Variants in LRRC49 observed in about 807,000 individuals in gnomAD.
LRRC49 encodes leucine rich repeat containing 49, also known as leucine-rich repeat-containing protein 49.
In LRRC49, 50 loss-of-function variants were observed where a neutral mutation model predicts 83.3. The observed-to-expected ratio is 0.60, with a 90% CI of 0.48 to 0.76. The LOEUF is 0.76. Among genes scored for constraint, LRRC49 ranks in the 30% least tolerant of loss-of-function variants. The pLI, the probability that LRRC49 is intolerant of heterozygous loss-of-function variation, is 0.00. For missense variants in LRRC49, 704 were observed against 809.1 expected (o/e 0.87, Z 1.58); for synonymous variants, 286 against 283.3 (o/e 1.01, Z -0.10).
At position 70,903,442 on chromosome 15, in the gene LRRC49, A is replaced by G. The variant is rs117404558; in HGVS notation, c.297-1110A>G. The stretch of plus-strand genomic sequence containing the variant: ...CCAAAATTTCCTTTTCTTTTCCTCT[A>G]TCTTAAACAGGTTTCTTCAGAATCT... On this transcript the variant is annotated intron_variant, in intron 4 of 15. Coordinates refer to ENST00000260382, the MANE Select transcript of LRRC49 (RefSeq NM_017691.5). Among the ~76,000 whole-genome samples, 695 of 152,178 alleles carry G rather than the reference A, an allele frequency of 4.6e-3. 8 individuals carry two copies. The highest frequency in any genetic ancestry group is 0.024 in the Middle Eastern group (7 of 294).
chr15:70,907,851 T>C, intron 5 of LRRC49: 6 of 411,124 alleles, frequency 1.5e-5, no homozygotes, highest in South Asian at 1.0e-4. Context: ...TCAGGTCACA[T>C]TGGTGTTAAC....
intron 9 of LRRC49, among the ~76,000 whole-genome samples, chr15:70,974,705 G>A (rs4777327): frequency 0.8 from 120,479 of 150,350 alleles, 48,786 homozygotes; most frequent in Admixed American, 0.86. Context: ...TGGCTTTTAT[G>A]TTTTCAAAGC....
intron 13 of LRRC49, among the ~76,000 whole-genome samples, chr15:71,010,534 G>T (rs2141263647): frequency 6.6e-6 from 1 of 151,956 alleles, no homozygotes; most frequent in South Asian, 2.1e-4. Flanking sequence ...GAAAATAAGA[G>T]AAAAAGAAAA....
At position 71,050,832 on chromosome 15, in the gene LRRC49, T is replaced by TTTTTTC. The variant is rs1277708388; in HGVS notation, c.*1232_*1237dup. 6.6e-6 allele frequency: 1 copy of TTTTTTC among 152,542 alleles called. No individual in the cohort carries two copies. Among genetic ancestry groups the TTTTTTC allele is most frequent in the Admixed American group, 6.6e-5 (1 of 15,256 alleles). 9.4% of individuals were successfully genotyped at this position (152,542 alleles called of 1,614,324 possible). Reference sequence around the variant, plus strand: ...TCATAGCCTTAAAAGGCTGTCCTGGTTTTTTCTTTTTCTTTTTTTTTTTTT... The same window carrying TTTTTTC: ...TCATAGCCTTAAAAGGCTGTCCTGGTTTTTTCTTTTTCTTTTTCTTTTTTTTTTTTT... On this transcript the variant is annotated 3_prime_UTR_variant, in exon 16 of 16. Transcript: ENST00000260382.
chr15:70,976,308 T>G (rs181562856), intron 9 of LRRC49, among the ~76,000 whole-genome samples: 1 of 152,320 alleles, frequency 6.6e-6, no homozygotes, highest in Admixed American at 6.5e-5. Flanking sequence ...TAAAAGTGAT[T>G]GTTTGAGTAA....
chr15:70,864,375 A>C, intron 1 of LRRC49, among the ~76,000 whole-genome samples: 1 of 151,606 alleles, frequency 6.6e-6, no homozygotes, highest in Non-Finnish European at 1.5e-5. Flanking sequence ...AGGCATGGGC[A>C]CCAGGATGGA....
intron 14 of LRRC49, among the ~76,000 whole-genome samples, chr15:71,033,547 T>G (rs949973904): frequency 2.0e-5 from 3 of 152,154 alleles, no homozygotes; most frequent in Admixed American, 1.3e-4. Context: ...ACTTTAAAAT[T>G]TATATGGAAC....
intron 11 of LRRC49, among the ~76,000 whole-genome samples, chr15:70,988,150 G>A (rs1188733892): frequency 6.6e-6 from 1 of 151,410 alleles, no homozygotes; most frequent in Non-Finnish European, 1.5e-5. Context: ...TGTCTATTAG[G>A]TCTGCTTGGT....
chr15:70,919,635 G>A (rs1340867693), intron 7 of LRRC49, among the ~76,000 whole-genome samples: 6 of 152,156 alleles, frequency 3.9e-5, no homozygotes, highest in African/African-American at 1.4e-4. Context: ...TGGTATGGTG[G>A]GAAAAGCATT....
At chr15:70,902,981 G>A (rs2034147218) in intron 4 of LRRC49, among the ~76,000 whole-genome samples, 1 of 152,134 alleles carries the variant, frequency 6.6e-6, no homozygotes, top group Non-Finnish European at 1.5e-5. Flanking sequence ...CTTAACCACT[G>A]TGTTTAGAAT....
intron 7 of LRRC49, among the ~76,000 whole-genome samples, chr15:70,928,557 A>T (rs948810696): frequency 2.0e-5 from 3 of 151,062 alleles, no homozygotes; most frequent in East Asian, 1.9e-4. Flanking sequence ...TATTTATTTA[A>T]TTTTCTTTTA....
At chr15:70,885,528 A>C (rs1055495374) in intron 2 of LRRC49, among the ~76,000 whole-genome samples, 2 of 152,220 alleles carry the variant, frequency 1.3e-5, no homozygotes, top group African/African-American at 4.8e-5. Context: ...ATAGGACAGA[A>C]TAATGCCTAA....
intron 1 of LRRC49, among the ~76,000 whole-genome samples, chr15:70,862,175 C>G (rs1401781593): frequency 1.3e-5 from 2 of 152,234 alleles, no homozygotes; most frequent in African/African-American, 2.4e-5. Context: ...CCCAGGAAGA[C>G]ACACAGCAGT....
At chr15:71,013,006 G>T in intron 14 of LRRC49, 93 bp downstream of exon 14, 1 of 783,870 alleles carries the variant, frequency 1.3e-6, no homozygotes, top group Admixed American at 2.4e-5. Context: ...CTAATTATGT[G>T]TTCCATAAAC....
chr15:71,039,090 A>G (rs986973111), intron 15 of LRRC49, among the ~76,000 whole-genome samples: 4 of 152,190 alleles, frequency 2.6e-5, no homozygotes, highest in Non-Finnish European at 5.9e-5. Context: ...AAAAGATAAA[A>G]TATAGCTATA....
At chr15:71,017,638 C>T (rs2038867250) in intron 14 of LRRC49, among the ~76,000 whole-genome samples, 1 of 152,088 alleles carries the variant, frequency 6.6e-6, no homozygotes, top group South Asian at 2.1e-4. Context: ...AGAAATACAA[C>T]TTAAATTAAA....
rs2141266427 is a variant in LRRC49, at chr15:71,012,917, A to T, written c.1703+4A>T. Reference sequence around the variant, plus strand: ...TTTCCATTCTGGGTGATGCCAGGTAACCTTTAATTTTTGTAGTTTTTTATA... The same window carrying T: ...TTTCCATTCTGGGTGATGCCAGGTATCCTTTAATTTTTGTAGTTTTTTATA... On this transcript the variant is annotated splice_donor_region_variant and intron_variant, in intron 14 of 15. Coordinates refer to ENST00000260382, the MANE Select transcript of LRRC49 (RefSeq NM_017691.5). The T allele has an allele frequency of 1.3e-6, 2 of 1,584,864 alleles. No homozygotes were observed. Among genetic ancestry groups the T allele is most frequent in the East Asian group, 4.5e-5 (2 of 44,694 alleles).
At chr15:70,899,654 A>T (rs1567042299) in intron 3 of LRRC49, among the ~76,000 whole-genome samples, 1 of 152,176 alleles carries the variant, frequency 6.6e-6, no homozygotes, top group Non-Finnish European at 1.5e-5. Flanking sequence ...GACCTGAGGT[A>T]GCTAGCAAAT....
intron 14 of LRRC49, among the ~76,000 whole-genome samples, chr15:71,014,535 A>G (rs1314251977): frequency 6.6e-6 from 1 of 152,164 alleles, no homozygotes; most frequent in Non-Finnish European, 1.5e-5. Context: ...AGATTGAATT[A>G]AAAACATGTT....
Sources: gnomAD v4.1 joint callset for allele counts (sites outside exome capture counted in the v4.1 genomes callset) on GRCh38, gnomAD v4.1.1 for gene constraint, MANE v1.5 for transcripts, NCBI Gene and HGNC (gene_info 2026-07-23, HGNC 2026-07-21) for gene names.